XKR9: variants seen among roughly 807,000 people sequenced by gnomAD.
The protein encoded by XKR9 is XK-related protein 9.
In XKR9, 32 loss-of-function variants were observed where a neutral mutation model predicts 32.0. That is an observed-to-expected ratio of 1.00 (90% CI 0.76 to 1.34). The LOEUF is 1.34. Ranked by LOEUF, XKR9 falls within the 40% of genes most tolerant of loss-of-function variation. XKR9 has a pLI of 0.00. For missense variants in XKR9, 546 were observed against 429.7 expected, an observed-to-expected ratio of 1.27 and a Z score of -2.39; for synonymous variants, 168 against 143.4, an observed-to-expected ratio of 1.17 and a Z score of -1.22.
the XKR9 span, among the ~76,000 whole-genome samples, chr8:70,951,873 G>T: frequency 1.1e-5 from 1 of 94,506 alleles, no homozygotes; most frequent in African/African-American, 4.3e-5. Context: ...TCATTGGGGG[G>T]GGGGTGGTTC....
At chr8:70,883,120 C>T in the XKR9 span, among the ~76,000 whole-genome samples, 2 of 151,782 alleles carry the variant, frequency 1.3e-5, no homozygotes, top group African/African-American at 4.8e-5. Context: ...TTTTGTTCCT[C>T]ACCCCCCTTC....
chr8:70,903,234 CCT>C, the XKR9 span, among the ~76,000 whole-genome samples: 3 of 152,084 alleles, frequency 2.0e-5, no homozygotes, highest in Non-Finnish European at 4.4e-5. Flanking sequence ...CCTCTTTGTA[CCT>C]CTGGTAGAAT....
rs1806822730 is a variant in XKR9, at chr8:70,735,128, T to G, written c.*704T>G. 6.6e-6 allele frequency: 1 copy of G among 152,050 alleles called. No individual in the cohort carries two copies. The highest frequency in any genetic ancestry group is 1.5e-5 in the Non-Finnish European group (1 of 68,000). 9.4% of individuals were successfully genotyped at this position (152,050 alleles called of 1,614,324 possible). Reference sequence around the variant, plus strand: ...AAAATTATGGTAAAAACATATAAAATTTACCATCTTAATCACTTTGAGTGT... The same window carrying G: ...AAAATTATGGTAAAAACATATAAAAGTTACCATCTTAATCACTTTGAGTGT... On this transcript the variant is annotated 3_prime_UTR_variant, in exon 5 of 5. Coordinates refer to ENST00000408926, the MANE Select transcript of XKR9 (RefSeq NM_001011720.2).
chr8:70,877,281 C>A, the XKR9 span, among the ~76,000 whole-genome samples: 4 of 152,234 alleles, frequency 2.6e-5, no homozygotes, highest in Non-Finnish European at 5.9e-5. Flanking sequence ...GGGATTATTA[C>A]AATTTAAGGT....
downstream of XKR9, among the ~76,000 whole-genome samples, chr8:70,737,011 A>G (rs1476776166): frequency 1.3e-5 from 2 of 152,338 alleles, no homozygotes; most frequent in Admixed American, 1.3e-4. Context: ...GAAGAAAGTC[A>G]TTGGTAGCTT....
the XKR9 span, among the ~76,000 whole-genome samples, chr8:71,023,973 T>A: frequency 6.6e-6 from 1 of 152,082 alleles, no homozygotes; most frequent in Non-Finnish European, 1.5e-5. Context: ...CCTAGTGGTG[T>A]ATACATATAC....
At chr8:70,928,931 T>C in the XKR9 span, among the ~76,000 whole-genome samples, 2 of 152,190 alleles carry the variant, frequency 1.3e-5, no homozygotes, top group South Asian at 4.1e-4. Flanking sequence ...ACAAATTGAT[T>C]ATGCATTTGG....
intron 2 of XKR9, among the ~76,000 whole-genome samples, chr8:70,778,255 G>T (rs1306668052): frequency 2.0e-5 from 3 of 152,144 alleles, no homozygotes; most frequent in African/African-American, 4.8e-5. Flanking sequence ...TCAGATGGTT[G>T]TAGATGTGTG....
At chr8:70,913,208 C>A in the XKR9 span, among the ~76,000 whole-genome samples, 2 of 152,102 alleles carry the variant, frequency 1.3e-5, no homozygotes, top group African/African-American at 4.8e-5. Context: ...TGTTTCCCAG[C>A]TGATTTTTGT....
downstream of XKR9, among the ~76,000 whole-genome samples, chr8:70,737,411 C>T (rs886507326): frequency 3.4e-5 from 5 of 148,946 alleles, no homozygotes; most frequent in African/African-American, 1.2e-4. Flanking sequence ...ATGTCATCTG[C>T]AAACAGGGAC....
the XKR9 span, among the ~76,000 whole-genome samples, chr8:71,037,508 T>C: frequency 6.6e-6 from 1 of 152,200 alleles, no homozygotes; most frequent in Non-Finnish European, 1.5e-5. Flanking sequence ...TTGGGAATCA[T>C]GCCTCCTATT....
At chr8:70,710,866 T>C (rs1419706745) in intron 4 of XKR9, among the ~76,000 whole-genome samples, 4 of 151,780 alleles carry the variant, frequency 2.6e-5, no homozygotes, top group African/African-American at 9.7e-5. Context: ...TGGGAGAAAA[T>C]ATTTGCAAAC....
At chr8:70,874,048 C>T in the XKR9 span, among the ~76,000 whole-genome samples, 1 of 152,178 alleles carries the variant, frequency 6.6e-6, no homozygotes, top group Non-Finnish European at 1.5e-5. Flanking sequence ...TTGTTGTTAG[C>T]ATTTTTTAAG....
the XKR9 span, among the ~76,000 whole-genome samples, chr8:70,956,977 G>C: frequency 1.3e-5 from 2 of 152,182 alleles, no homozygotes; most frequent in Non-Finnish European, 2.9e-5. Context: ...ACTCGATAGG[G>C]GGGCAGGACT....
chr8:70,760,574 GC>G (rs1005367609), intron 2 of XKR9, among the ~76,000 whole-genome samples: 2 of 152,144 alleles, frequency 1.3e-5, no homozygotes, highest in African/African-American at 4.8e-5. Flanking sequence ...TGATCCTCCT[GC>G]CACACAACCT....
rs1330750004 is a variant in XKR9 at position 70,681,035 on chromosome 8, A to G, written c.-24A>G. The G allele has an allele frequency of 1.3e-6, 2 of 1,575,536 alleles. No homozygotes were observed. The highest frequency in any genetic ancestry group is 1.7e-6 in the Non-Finnish European group (2 of 1,161,890). Reference sequence around the variant, plus strand: ...TTTTGTGAGGGAGAAAAAAGTAGATAACGAAAAGCTATAGTCATTCGTAAT... The same window carrying G: ...TTTTGTGAGGGAGAAAAAAGTAGATGACGAAAAGCTATAGTCATTCGTAAT... On this transcript the variant is annotated 5_prime_UTR_variant, in exon 3 of 5. In the 5' UTR this introduces an upstream ATG that the reference lacks. Transcript: ENST00000408926.
chr8:70,827,708 A>T, the XKR9 span, among the ~76,000 whole-genome samples: 1 of 152,226 alleles, frequency 6.6e-6, no homozygotes, highest in African/African-American at 2.4e-5. Flanking sequence ...AATCTCTGGC[A>T]GTTTAAGTGA....
chr8:70,812,749 C>G, the XKR9 span, among the ~76,000 whole-genome samples: 1 of 152,114 alleles, frequency 6.6e-6, no homozygotes, highest in Non-Finnish European at 1.5e-5. Flanking sequence ...TATGAAGGAC[C>G]TCTTCAAGGA....
At chr8:70,873,881 A>T in the XKR9 span, among the ~76,000 whole-genome samples, 28 of 152,210 alleles carry the variant, frequency 1.8e-4, no homozygotes, top group African/African-American at 6.5e-4. Context: ...TGAAAGGAAG[A>T]GTCAATCAAT....
Sources: allele counts gnomAD v4.1 joint callset (sites outside exome capture counted in the v4.1 genomes callset), GRCh38; gene constraint gnomAD v4.1.1; transcripts MANE v1.5; gene names NCBI Gene and HGNC (gene_info 2026-07-23, HGNC 2026-07-21).